Variants in FCHO1 observed in about 807,000 individuals in gnomAD.
FCHO1 encodes the protein F-BAR domain only protein 1.
Under a neutral mutation model 114.4 loss-of-function variants are expected in FCHO1, and 45 were observed. That is an observed-to-expected ratio of 0.39 (90% CI 0.31 to 0.50). The LOEUF (loss-of-function observed/expected upper bound fraction) is 0.50, where lower values mean the gene tolerates loss of function less well. Ranked by LOEUF, FCHO1 falls within the 20% of genes least tolerant of loss-of-function variation. FCHO1 has a pLI of 0.77. For synonymous variants in FCHO1, 480 were observed against 488.9 expected (o/e 0.98, Z 0.24); for missense variants, 1,042 against 1,209.6 (o/e 0.86, Z 2.06).
In FCHO1 at chr19:17,775,976, A is replaced by G; in HGVS notation, c.1004-7A>G. ...TGGGATTGGCTTGGACCTTGACTGCAGCCCACGCACGGCCGAGCCCTCCCG... is the reference window on the plus strand; with the variant it reads ...TGGGATTGGCTTGGACCTTGACTGCGGCCCACGCACGGCCGAGCCCTCCCG... On this transcript the variant is annotated splice_polypyrimidine_tract_variant and splice_region_variant and intron_variant, in intron 15 of 28. Coordinates refer to ENST00000596536, the MANE Select transcript of FCHO1 (RefSeq NM_015122.3). This position sits in a 1 kb window ranked among gnomAD's most constrained non-coding sequence, Gnocchi z 5.1. 1 of 1,605,396 alleles carries G rather than the reference A, an allele frequency of 6.2e-7. No homozygotes were observed. The highest frequency in any genetic ancestry group is 8.5e-7 in the Non-Finnish European group (1 of 1,179,490).
At position 17,787,757 on chromosome 19, in the gene FCHO1, C is replaced by T. The variant is rs562458916; in HGVS notation, c.2558C>T (p.Thr853Ile). 3 of 1,605,800 alleles carry T rather than the reference C, an allele frequency of 1.9e-6. No individual in the cohort carries two copies. Among genetic ancestry groups the T allele is most frequent in the South Asian group, 2.2e-5 (2 of 89,044 alleles). Residue 853 changes from threonine (T) to isoleucine (I), a missense_variant, in exon 28 of 29, where the codon ACC (threonine) becomes ATC (isoleucine). Thr to Ile is a moderately conservative substitution (Grantham distance 89, BLOSUM62 -1). Around this residue, in one of 3 missense-constraint regions of FCHO1, gnomAD observed 137 missense variants for 190.0 expected, o/e 0.72. Transcript: ENST00000596536. ...STPSPVAAQF[T>I]SEGTTLSGVD... Reference sequence around the variant, plus strand: ...CCCAGCCCCGTGGCTGCACAGTTCACCAGCGAGGGGACCACTCTGTCGGGC... The same window carrying T: ...CCCAGCCCCGTGGCTGCACAGTTCATCAGCGAGGGGACCACTCTGTCGGGC...
chr19:17,778,138 T>C lies in FCHO1; in HGVS notation c.1261T>C (p.Cys421Arg), dbSNP rs764428017. 1 of 1,610,802 alleles carries C rather than the reference T, an allele frequency of 6.2e-7. No individual in the cohort carries two copies. Among genetic ancestry groups the C allele is most frequent in the South Asian group, 1.1e-5 (1 of 91,004 alleles). The change falls in exon 19 of 29, where the codon TGT (cysteine) becomes CGT (arginine). Residue 421 changes from cysteine (C) to arginine (R), a missense_variant and splice_region_variant. By Grantham distance (180) the Cys-to-Arg change is radical (BLOSUM62 -3). Transcript: ENST00000596536. Reference sequence around the variant, plus strand: ...CCCTCTTGGCCTCACCCTCTCTAGCTGTGCAGAGAGATTGCAGTCAGAGGA... The same window carrying C: ...CCCTCTTGGCCTCACCCTCTCTAGCCGTGCAGAGAGATTGCAGTCAGAGGA... ...RPRSAPRTSS[C>R]AERLQSEEQV...
chr19:17,766,580 G>C, intron 6 of FCHO1, 89 bp from the exon 7 acceptor site: 1 of 1,523,060 alleles, frequency 6.6e-7, no homozygotes, highest in Non-Finnish European at 9.0e-7. Flanking sequence ...GCAGGGCTCA[G>C]CGTGCAGCAC....
Position 17,776,816 on chromosome 19 carries a change from T to G in FCHO1, c.1259+130T>G. ...ATGCTGGGGTTTTTTTGTTTTTGTTTTTGTTTTGAGACAGAGTCTCACTCT... is the reference window on the plus strand; with the variant it reads ...ATGCTGGGGTTTTTTTGTTTTTGTTGTTGTTTTGAGACAGAGTCTCACTCT... On this transcript the variant is annotated intron_variant, in intron 18 of 28. Coordinates refer to ENST00000596536, the MANE Select transcript of FCHO1 (RefSeq NM_015122.3). This position sits in a 1 kb window ranked among gnomAD's most constrained non-coding sequence, Gnocchi z 4.4. 1 of 885,890 alleles carries G rather than the reference T, an allele frequency of 1.1e-6. No homozygotes were observed. Among genetic ancestry groups the G allele is most frequent in the Non-Finnish European group, 1.7e-6 (1 of 577,054 alleles). The allele number at this position is 885,890 out of a possible 1,614,324, so 54.9% of individuals were successfully genotyped here. A position where few individuals can be genotyped will look rare whatever the true frequency, so the allele number is the denominator to read the frequency against.
chr19:17,785,751 G>A (rs971053281), intron 26 of FCHO1, among the ~76,000 whole-genome samples: 64 of 148,716 alleles, frequency 4.3e-4, no homozygotes, highest in African/African-American at 1.6e-3. Context: ...GGAGAATGGC[G>A]TGAACCCGGG....
At chr19:17,781,901 A>G (rs1427974639) in intron 23 of FCHO1, 81 bp downstream of exon 23, 21 of 952,716 alleles carry the variant, frequency 2.2e-5, no homozygotes, top group East Asian at 5.0e-5. Flanking sequence ...GATGTGCTTC[A>G]TGGTCTGTCT....
At chr19:17,779,060 C>T (rs1485698512) in intron 20 of FCHO1, among the ~76,000 whole-genome samples, 176 bp downstream of exon 20, 1 of 151,970 alleles carries the variant, frequency 6.6e-6, no homozygotes, top group Admixed American at 6.6e-5. Context: ...CAGGCGGTAG[C>T]GGGTGCCAGG....
chr19:17,769,462 T>C (rs60128171), intron 7 of FCHO1, among the ~76,000 whole-genome samples: 67,106 of 148,460 alleles, frequency 0.45, 15,914 homozygotes, highest in East Asian at 0.71. Context: ...GCCTGTAGTC[T>C]CAGCTACTCA....
Position 17,772,441 on chromosome 19 carries a change from T to C in FCHO1, c.595-16T>C, listed in dbSNP as rs775733974. On this transcript the variant is annotated splice_polypyrimidine_tract_variant and intron_variant, in intron 9 of 28. Coordinates refer to ENST00000596536, the MANE Select transcript of FCHO1 (RefSeq NM_015122.3). ...CCCTGACCTCCTTTCCACCTGCCTCTGCCCTCCTGCTTCAGCGCTTCCAAG... is the reference window on the plus strand; with the variant it reads ...CCCTGACCTCCTTTCCACCTGCCTCCGCCCTCCTGCTTCAGCGCTTCCAAG... The C allele has an allele frequency of 3.7e-6, 6 of 1,609,606 alleles. No homozygotes were observed. The South Asian group carries it at 6.6e-5, about 18-fold the overall frequency.
At chr19:17,762,937 CAG>C in intron 5 of FCHO1, 84 bp downstream of exon 5, 1 of 946,078 alleles carries the variant, frequency 1.1e-6, no homozygotes, top group Non-Finnish European at 1.7e-6. Flanking sequence ...CCTGCATGGT[CAG>C]GGGCTAGAAC....
chr19:17,760,547 A>G (rs531210258), intron 4 of FCHO1, among the ~76,000 whole-genome samples: 54 of 152,344 alleles, frequency 3.5e-4, no homozygotes, highest in African/African-American at 1.2e-3. Context: ...GGGAAGAAGC[A>G]TAAGCAAATT....
rs2092998341 is a variant in FCHO1, at chr19:17,778,862, G to T, written c.1605G>T (p.Gly535=). 1 of 1,566,596 alleles carries T rather than the reference G, an allele frequency of 6.4e-7. No homozygotes were observed. Among genetic ancestry groups the T allele is most frequent in the Non-Finnish European group, 8.6e-7 (1 of 1,164,122 alleles). The change falls in exon 20 of 29, where the codon GGG becomes GGT. Residue 535 remains glycine, a synonymous_variant. Coordinates refer to ENST00000596536, the MANE Select transcript of FCHO1 (RefSeq NM_015122.3). ...QPLASSPGPW[G]LEALAGGDLM... is the part of the protein sequence containing the mutation. ...TCGCCTCGTCTCCAGGCCCCTGGGG[G>T]CTGGAGGCCTTGGCCGGAGGAGGTG... is the stretch of plus-strand genomic sequence containing the variant.
rs2092695654 is a variant in FCHO1 at position 17,776,847 on chromosome 19, C to A, written c.1259+161C>A. On this transcript the variant is annotated intron_variant, in intron 18 of 28. Transcript: ENST00000596536. The surrounding 1 kb of genome is among the most constrained non-coding windows in gnomAD (Gnocchi z 4.4). Reference sequence around the variant, plus strand: ...TTGAGACAGAGTCTCACTCTGTCACCCAGGCTGGAGTGCGATTTCAGCTCA... The same window carrying A: ...TTGAGACAGAGTCTCACTCTGTCACACAGGCTGGAGTGCGATTTCAGCTCA... Among the ~76,000 whole-genome samples, 1 of 151,962 alleles carries A rather than the reference C, an allele frequency of 6.6e-6. No homozygotes were observed. The highest frequency in any genetic ancestry group is 2.4e-5 in the African/African-American group (1 of 41,368).
chr19:17,785,198 T>C (rs10418741), intron 26 of FCHO1, among the ~76,000 whole-genome samples: 2 of 152,054 alleles, frequency 1.3e-5, no homozygotes, highest in African/African-American at 2.4e-5. Flanking sequence ...CTACAAAAAA[T>C]ATTTTGTTTA....
intron 27 of FCHO1, 100 bp downstream of exon 27, chr19:17,786,729 G>T: frequency 8.0e-7 from 1 of 1,248,476 alleles, no homozygotes; most frequent in Non-Finnish European, 1.1e-6. Flanking sequence ...ACTGAGGGCG[G>T]GCAAGTATGG....
intron 19 of FCHO1, 166 bp from the exon 20 acceptor site, chr19:17,778,443 T>G: frequency 1.2e-6 from 1 of 853,306 alleles, no homozygotes. Context: ...GGCCGGACAT[T>G]TGTGGAGAGG....
chr19:17,774,909 C>T, intron 13 of FCHO1, 147 bp from the exon 14 acceptor site: 1 of 822,134 alleles, frequency 1.2e-6, no homozygotes, highest in Non-Finnish European at 2.0e-6. Flanking sequence ...CCAAGCAAGC[C>T]CCATGGTCCC....
chr19:17,755,347 A>G (rs1041784134), intron 4 of FCHO1, 156 bp downstream of exon 4: 5 of 677,598 alleles, frequency 7.4e-6, no homozygotes, highest in African/African-American at 1.8e-5. Flanking sequence ...CTGGGTTTGA[A>G]TCCACACCCA....
In FCHO1 at chr19:17,776,799, G is replaced by A; in HGVS notation, c.1259+113G>A. 5 of 1,022,636 alleles carry A rather than the reference G, an allele frequency of 4.9e-6. No homozygotes were observed. Among genetic ancestry groups the A allele is most frequent in the Non-Finnish European group, 4.3e-6 (3 of 690,934 alleles). The allele number at this position is 1,022,636 out of a possible 1,614,324, so 63.3% of individuals were successfully genotyped here. On this transcript the variant is annotated intron_variant, in intron 18 of 28. Transcript: ENST00000596536. The surrounding 1 kb of genome is among the most constrained non-coding windows in gnomAD (Gnocchi z 4.4). ...GGCTGGGAGTTGACGTCATGCTGGG[G>A]TTTTTTTGTTTTTGTTTTTGTTTTG...
Sources: gnomAD v4.1 joint callset for allele counts (sites outside exome capture counted in the v4.1 genomes callset) on GRCh38, gnomAD v4.1.1 for gene constraint, gnomAD v4.1.1 regional missense constraint, Gnocchi (gnomAD v3.1) non-coding constraint, MANE v1.5 for transcripts, NCBI Gene and HGNC (gene_info 2026-07-23, HGNC 2026-07-21) for gene names.